GNB1L: variants seen among roughly 807,000 people sequenced by gnomAD.
The protein encoded by GNB1L is guanine nucleotide-binding protein subunit beta-like protein 1.
In GNB1L, 20 loss-of-function variants were observed where a neutral mutation model predicts 29.1. The observed-to-expected ratio is 0.69, with a 90% CI of 0.48 to 1.00. The LOEUF is 1.00. GNB1L is among the 50% of genes least tolerant of loss of function. GNB1L has a pLI of 0.00. For synonymous variants in GNB1L, 193 were observed against 206.5 expected (o/e 0.93, Z 0.56); for missense variants, 421 against 464.9 (o/e 0.91, Z 0.87).
At chr22:19,843,725 C>G (rs771810902) in intron 2 of GNB1L, among the ~76,000 whole-genome samples, 14 of 152,244 alleles carry the variant, frequency 9.2e-5, no homozygotes, top group Non-Finnish European at 1.8e-4. Context: ...CACTGGTAAG[C>G]TGGCAAATCT....
chr22:19,834,327 A>G (rs1246779046), intron 2 of GNB1L, among the ~76,000 whole-genome samples: 2 of 152,242 alleles, frequency 1.3e-5, no homozygotes, highest in African/African-American at 4.8e-5. Flanking sequence ...TGAAGGCAAA[A>G]TAAAGATTCC....
At chr22:19,807,683 G>A (rs781419209) in intron 5 of GNB1L, among the ~76,000 whole-genome samples, 3 of 152,230 alleles carry the variant, frequency 2.0e-5, no homozygotes, top group Non-Finnish European at 4.4e-5. Context: ...CACACAAGGA[G>A]TCCAAGCCCC....
At chr22:19,834,960 T>C (rs1356756175) in intron 2 of GNB1L, among the ~76,000 whole-genome samples, 2 of 152,146 alleles carry the variant, frequency 1.3e-5, no homozygotes, top group Non-Finnish European at 2.9e-5. Context: ...AATAATAAAT[T>C]GCAGTGGATA....
chr22:19,816,567 G>A lies in GNB1L; in HGVS notation c.254+4031C>T, dbSNP rs562480750. Among the ~76,000 whole-genome samples the A allele has an allele frequency of 5.3e-5, 8 of 152,080 alleles. No individual in the cohort carries two copies. The highest frequency in any genetic ancestry group is 2.1e-4 in the South Asian group (1 of 4,820). ...CCAGCCACCAGGCCCCTCCGCACACGGGCTAGGGAACACACACATGCCTCA... is the reference window on the plus strand; with the variant it reads ...CCAGCCACCAGGCCCCTCCGCACACAGGCTAGGGAACACACACATGCCTCA... On this transcript the variant is annotated intron_variant, in intron 4 of 7. Coordinates refer to ENST00000329517, the MANE Select transcript of GNB1L (RefSeq NM_053004.3). This position sits in a 1 kb window ranked among gnomAD's most constrained non-coding sequence, Gnocchi z 4.4.
chr22:19,792,725 C>G, intron 7 of GNB1L: 2 of 1,507,380 alleles, frequency 1.3e-6, no homozygotes. Flanking sequence ...ACATCGTCAC[C>G]ACCTTGGTGG....
chr22:19,852,209 G>A (rs1938123777), intron 2 of GNB1L: 1 of 1,613,532 alleles, frequency 6.2e-7, no homozygotes, highest in Non-Finnish European at 8.5e-7. Flanking sequence ...ATAATTGGCG[G>A]CTGCCCAGAT....
chr22:19,845,026 T>G (rs533562610), intron 2 of GNB1L, among the ~76,000 whole-genome samples: 64 of 152,218 alleles, frequency 4.2e-4, no homozygotes, highest in South Asian at 3.7e-3. Context: ...GGAAACTTGG[T>G]CGGAGCTGGA....
intron 2 of GNB1L, among the ~76,000 whole-genome samples, chr22:19,843,336 C>T (rs542477037): frequency 8.1e-4 from 124 of 152,386 alleles, no homozygotes; most frequent in African/African-American, 3.0e-3. Flanking sequence ...CCTTTGGAAG[C>T]GCCCAGGCGG....
At chr22:19,843,614 C>T (rs1024519835) in intron 2 of GNB1L, among the ~76,000 whole-genome samples, 3 of 152,180 alleles carry the variant, frequency 2.0e-5, no homozygotes, top group African/African-American at 7.2e-5. Context: ...CAGGCATATC[C>T]GTCTCAGGGA....
intron 2 of GNB1L, chr22:19,848,459 G>C: frequency 3.0e-6 from 3 of 985,466 alleles, no homozygotes; most frequent in Non-Finnish European, 3.6e-6. Flanking sequence ...TGCTGCAGCA[G>C]CTGGCAACAA....
Position 19,821,308 on chromosome 22 carries a change from G to A in GNB1L, c.48C>T (p.Leu16=), listed in dbSNP as rs779786717. The A allele has an allele frequency of 1.9e-6, 3 of 1,613,380 alleles. No individual in the cohort carries two copies. The highest frequency in any genetic ancestry group is 2.2e-5 in the South Asian group (2 of 91,080). The change falls in exon 3 of 8, where the codon CTC becomes CTT. Residue 16 remains leucine, a synonymous_variant. Transcript: ENST00000329517. ...PPPPPDPQFV[L]RGTQSPVHAL... is the part of the protein sequence containing the mutation. ...CATGCACCGGTGACTGGGTGCCTCG[G>A]AGGACAAACTGGGGGTCTGGAGGTG...
At chr22:19,824,647 C>T (rs1223184301) in intron 2 of GNB1L, among the ~76,000 whole-genome samples, 1 of 152,244 alleles carries the variant, frequency 6.6e-6, no homozygotes, top group Admixed American at 6.5e-5. Flanking sequence ...CTCGGCAGGC[C>T]CCAGGGCTCT....
intron 2 of GNB1L, chr22:19,847,619 A>ACCATGACC (rs71186630): frequency 0.22 from 217,752 of 982,712 alleles, 24,702 homozygotes; most frequent in Middle Eastern, 0.26. Flanking sequence ...GTGGTACCGA[A>ACCATGACC]CCATGACCAC....
intron 2 of GNB1L, among the ~76,000 whole-genome samples, chr22:19,835,462 G>A (rs1350605114): frequency 2.6e-5 from 4 of 151,010 alleles, no homozygotes; most frequent in African/African-American, 9.7e-5. Context: ...GGCAGATCAC[G>A]AGGTCAGGGG....
intron 6 of GNB1L, among the ~76,000 whole-genome samples, chr22:19,804,164 T>C (rs1937406347): frequency 6.6e-6 from 1 of 152,270 alleles, no homozygotes. Flanking sequence ...CGGGCAGTCC[T>C]CTTGTGGCTG....
At chr22:19,837,503 T>C (rs1290975776) in intron 2 of GNB1L, among the ~76,000 whole-genome samples, 1 of 152,192 alleles carries the variant, frequency 6.6e-6, no homozygotes, top group East Asian at 1.9e-4. Context: ...ACATCTTTAG[T>C]CGCTAGGAAA....
chr22:19,852,159 G>T, intron 2 of GNB1L: 1 of 1,614,112 alleles, frequency 6.2e-7, no homozygotes, highest in Non-Finnish European at 8.5e-7. Flanking sequence ...GCCACCCCAG[G>T]AGACGCCTTG....
chr22:19,796,533 TA>T (rs879621306), intron 7 of GNB1L, among the ~76,000 whole-genome samples: 11 of 152,236 alleles, frequency 7.2e-5, no homozygotes, highest in Non-Finnish European at 1.2e-4. Flanking sequence ...AATTGAAAAC[TA>T]AAAAATAACT....
At chr22:19,842,865 C>T (rs967566081) in intron 2 of GNB1L, among the ~76,000 whole-genome samples, 11 of 152,236 alleles carry the variant, frequency 7.2e-5, no homozygotes, top group African/African-American at 2.4e-4. Context: ...GCAGCCACAG[C>T]CCTGGCCATG....
Sources: gnomAD v4.1 joint callset for allele counts (sites outside exome capture counted in the v4.1 genomes callset) on GRCh38, gnomAD v4.1.1 for gene constraint, Gnocchi (gnomAD v3.1) non-coding constraint, MANE v1.5 for transcripts, NCBI Gene and HGNC (gene_info 2026-07-23, HGNC 2026-07-21) for gene names.